INIP: variants seen among roughly 807,000 people sequenced by gnomAD.
INIP encodes the protein SOSS complex subunit C.
INIP carries 9 observed loss-of-function variants against 14.0 expected under a neutral mutation model. The ratio of observed to expected loss-of-function variants is 0.64; its 90% CI spans 0.39 to 1.12. The LOEUF is 1.12. Among genes scored for constraint, INIP ranks in the 50% most tolerant of loss-of-function variants. INIP has a pLI of 0.01. For missense variants in INIP, 78 were observed against 122.7 expected (o/e 0.64, Z 1.72); for synonymous variants, 37 against 41.5 (o/e 0.89, Z 0.41).
chr9:112,705,301 T>G (rs1425705060), intron 2 of INIP, among the ~76,000 whole-genome samples: 1 of 152,070 alleles, frequency 6.6e-6, no homozygotes, highest in Non-Finnish European at 1.5e-5. Context: ...AAACAATGTC[T>G]AAATGTTTTT....
At chr9:112,702,598 C>G (rs1044995067) in intron 2 of INIP, among the ~76,000 whole-genome samples, 1 of 151,972 alleles carries the variant, frequency 6.6e-6, no homozygotes, top group African/African-American at 2.4e-5. Flanking sequence ...CGGAGTCTCG[C>G]TCTGTCGCCA....
intron 4 of INIP, among the ~76,000 whole-genome samples, chr9:112,688,718 C>CT (rs1274440852): frequency 6.6e-6 from 1 of 152,092 alleles, no homozygotes; most frequent in African/African-American, 2.4e-5. Flanking sequence ...CAGCATGTGC[C>CT]TGTAGTCCCA....
At chr9:112,703,973 T>A (rs1838378433) in intron 2 of INIP, among the ~76,000 whole-genome samples, 1 of 152,206 alleles carries the variant, frequency 6.6e-6, no homozygotes, top group East Asian at 1.9e-4. Context: ...GGGTATCCAA[T>A]GTCTTATTAT....
intron 2 of INIP, among the ~76,000 whole-genome samples, chr9:112,705,588 C>G (rs754744087): frequency 3.9e-5 from 6 of 152,158 alleles, no homozygotes; most frequent in Middle Eastern, 3.4e-3. Context: ...TGGAATTACA[C>G]GCATAAGCCA....
intron 2 of INIP, among the ~76,000 whole-genome samples, chr9:112,703,735 C>T (rs1838371993): frequency 1.3e-5 from 2 of 152,160 alleles, no homozygotes. Context: ...AGCCACTGTG[C>T]CCAGCCGAGA....
At chr9:112,706,212 C>T (rs1361775969) in intron 2 of INIP, among the ~76,000 whole-genome samples, 3 of 152,130 alleles carry the variant, frequency 2.0e-5, no homozygotes, top group Non-Finnish European at 2.9e-5. Flanking sequence ...CAAACATTGG[C>T]AAGGATGTGG....
At chr9:112,693,934 G>C (rs1288010761) in intron 3 of INIP, 197 bp downstream of exon 3, 1 of 359,332 alleles carries the variant, frequency 2.8e-6, no homozygotes, top group Non-Finnish European at 5.0e-6. Context: ...AATTTGCTGG[G>C]TGTCGTGGCA....
At chr9:112,705,342 T>C in intron 2 of INIP, among the ~76,000 whole-genome samples, 1 of 152,070 alleles carries the variant, frequency 6.6e-6, no homozygotes, top group East Asian at 1.9e-4. Context: ...AAGGTCTCGC[T>C]CTGTTGCCCA....
intron 2 of INIP, among the ~76,000 whole-genome samples, chr9:112,707,153 G>A (rs79286482): frequency 2.0e-5 from 3 of 151,502 alleles, no homozygotes; most frequent in African/African-American, 7.3e-5. Context: ...TGGTCAGGCC[G>A]GTCTCGAACT....
intron 2 of INIP, among the ~76,000 whole-genome samples, chr9:112,711,248 GT>G (rs1467088988): frequency 6.6e-6 from 1 of 152,112 alleles, no homozygotes; most frequent in Non-Finnish European, 1.5e-5. Flanking sequence ...TTTCACTGGA[GT>G]CCGGGAGTCT....
intron 4 of INIP, among the ~76,000 whole-genome samples, chr9:112,687,968 C>T (rs1325701053): frequency 2.6e-5 from 4 of 152,062 alleles, no homozygotes; most frequent in Non-Finnish European, 4.4e-5. Context: ...TGCCTGTAGT[C>T]CCAGCTACTC....
intron 3 of INIP, 142 bp from the exon 4 acceptor site, chr9:112,689,759 G>A: frequency 6.9e-6 from 4 of 583,462 alleles, no homozygotes; most frequent in Non-Finnish European, 1.2e-5. Flanking sequence ...ACAATATGAT[G>A]TTTTAGTATT....
chr9:112,698,057 C>G (rs1392243987), intron 2 of INIP, among the ~76,000 whole-genome samples: 1 of 152,114 alleles, frequency 6.6e-6, no homozygotes, highest in Non-Finnish European at 1.5e-5. Flanking sequence ...GTAATCCCAG[C>G]ACTTTGGGAG....
chr9:112,713,818 C>A (rs1393802610), intron 2 of INIP, among the ~76,000 whole-genome samples: 1 of 151,992 alleles, frequency 6.6e-6, no homozygotes, highest in African/African-American at 2.4e-5. Flanking sequence ...TGGTGAAACC[C>A]CGTTTCTACA....
chr9:112,700,214 T>C (rs564944861), intron 2 of INIP, among the ~76,000 whole-genome samples: 3 of 152,242 alleles, frequency 2.0e-5, no homozygotes, highest in South Asian at 2.1e-4. Context: ...ATCAAAGCAA[T>C]TGCTAAAAAC....
chr9:112,692,678 T>A (rs1432983870), intron 3 of INIP, among the ~76,000 whole-genome samples: 1 of 150,408 alleles, frequency 6.6e-6, no homozygotes, highest in East Asian at 1.9e-4. Context: ...CTTTGCAGAA[T>A]GATTAAAAAG....
chr9:112,693,859 G>C (rs1037295132), intron 3 of INIP, among the ~76,000 whole-genome samples: 1 of 152,206 alleles, frequency 6.6e-6, no homozygotes, highest in Non-Finnish European at 1.5e-5. Flanking sequence ...TGGATCACCT[G>C]AGGTCAGGAG....
At chr9:112,689,147 CAAT>C (rs1420252116) in intron 4 of INIP, among the ~76,000 whole-genome samples, 1 of 151,030 alleles carries the variant, frequency 6.6e-6, no homozygotes, top group Non-Finnish European at 1.5e-5. Flanking sequence ...ATCCAGGCAA[CAAT>C]AATAAACTAA....
At chr9:112,713,124 C>T (rs146774504) in intron 2 of INIP, among the ~76,000 whole-genome samples, 4 of 152,190 alleles carry the variant, frequency 2.6e-5, no homozygotes, top group Admixed American at 1.3e-4. Context: ...AAGAAATAAC[C>T]CAATTTTTAA....
Sources: gnomAD v4.1 joint callset for allele counts (sites outside exome capture counted in the v4.1 genomes callset) on GRCh38, gnomAD v4.1.1 for gene constraint, MANE v1.5 for transcripts, NCBI Gene and HGNC (gene_info 2026-07-23, HGNC 2026-07-21) for gene names.